The following PCMT1 variants were observed in gnomAD, a reference collection of about 807,000 sequenced individuals.
PCMT1 encodes protein-L-isoaspartate(D-aspartate) O-methyltransferase.
PCMT1 carries 9 observed loss-of-function variants against 29.2 expected under a neutral mutation model. The observed-to-expected ratio is 0.31, with a 90% CI of 0.19 to 0.54. The LOEUF is 0.54. PCMT1 is among the 20% of genes least tolerant of loss of function. PCMT1 has a pLI of 0.95. For synonymous variants in PCMT1, 98 were observed against 97.5 expected, an observed-to-expected ratio of 1.00 and a Z score of -0.03; for missense variants, 184 against 282.2, an observed-to-expected ratio of 0.65 and a Z score of 2.49.
At chr6:149,796,855 C>A in intron 6 of PCMT1, 1 of 162,354 alleles carries the variant, frequency 6.2e-6, no homozygotes, top group South Asian at 1.7e-4. Context: ...CTCTTGTCAC[C>A]CAGGCTGGAG....
chr6:149,808,209 TAGA>T (rs1776065703), intron 7 of PCMT1, among the ~76,000 whole-genome samples: 2 of 152,028 alleles, frequency 1.3e-5, no homozygotes, highest in African/African-American at 4.8e-5. Flanking sequence ...TATATACTAG[TAGA>T]AATATATACA....
intron 1 of PCMT1, among the ~76,000 whole-genome samples, chr6:149,763,998 T>A (rs1786966707): frequency 6.6e-6 from 1 of 152,176 alleles, no homozygotes; most frequent in Non-Finnish European, 1.5e-5. Context: ...AGAACCACAA[T>A]AATGGAACTC....
At chr6:149,753,981 A>AC (rs1178627336) in intron 1 of PCMT1, among the ~76,000 whole-genome samples, 7 of 152,202 alleles carry the variant, frequency 4.6e-5, no homozygotes, top group African/African-American at 1.7e-4. Context: ...TGGTCCAGGG[A>AC]CCACATTTTG....
intron 7 of PCMT1, among the ~76,000 whole-genome samples, chr6:149,809,258 C>CAAAAAAAAAAAAAAAAA (rs1209712068): frequency 2.1e-5 from 1 of 47,094 alleles, no homozygotes; most frequent in Non-Finnish European, 3.8e-5. Flanking sequence ...GACTCTGTCT[C>CAAAAAAAAAAAAAAAAA]AAAAAAAAAA....
intron 6 of PCMT1, chr6:149,796,776 C>CT (rs1055859441): frequency 2.7e-5 from 8 of 294,526 alleles, no homozygotes; most frequent in Non-Finnish European, 4.3e-5. Flanking sequence ...AGTTTATGAC[C>CT]TGATAATCAG....
rs571506303 is a variant in PCMT1, at chr6:149,762,860, GAT to G, written c.56-8293_56-8292del. On this transcript the variant is annotated intron_variant, in intron 1 of 7. Transcript: ENST00000464889. ...ATATATATCTATGATATATATCTAT[GAT>G]ATATATATCTATGATATATATGTTA... Among the ~76,000 whole-genome samples, 8 of 46,304 alleles carry G rather than the reference GAT, an allele frequency of 1.7e-4. 1 individual carries two copies. Among genetic ancestry groups the G allele is most frequent in the African/African-American group, 4.8e-4 (2 of 4,204 alleles). 30.4% of individuals were successfully genotyped at this position (46,304 alleles called of 152,430 possible). A position where few individuals can be genotyped will look rare whatever the true frequency, so the allele number is the denominator to read the frequency against.
chr6:149,765,413 C>G (rs959665087), intron 1 of PCMT1, among the ~76,000 whole-genome samples: 30 of 149,756 alleles, frequency 2.0e-4, no homozygotes, highest in Admixed American at 1.7e-3. Flanking sequence ...ATTCTAATTA[C>G]CTTTTTGGGT....
chr6:149,800,782 G>A (rs1775803670), intron 6 of PCMT1, among the ~76,000 whole-genome samples: 1 of 152,094 alleles, frequency 6.6e-6, no homozygotes, highest in African/African-American at 2.4e-5. Context: ...TAATAGGATA[G>A]GGATTCCTTG....
At chr6:149,758,223 T>TTTTTTTTTTTTC (rs1215433831) in intron 1 of PCMT1, among the ~76,000 whole-genome samples, 1 of 139,166 alleles carries the variant, frequency 7.2e-6, no homozygotes, top group African/African-American at 2.7e-5. Context: ...TTTTTTTTTT[T>TTTTTTTTTTTTC]TTTCTGAGAC....
At chr6:149,791,100 A>G (rs1052036314) in intron 4 of PCMT1, among the ~76,000 whole-genome samples, 5 of 152,140 alleles carry the variant, frequency 3.3e-5, no homozygotes, top group Non-Finnish European at 7.4e-5. Flanking sequence ...TACAGGCCTC[A>G]GTTTCCCCAC....
At chr6:149,752,629 C>G (rs1205145361) in intron 1 of PCMT1, among the ~76,000 whole-genome samples, 2 of 152,178 alleles carry the variant, frequency 1.3e-5, no homozygotes, top group Non-Finnish European at 2.9e-5. Context: ...CACATAAGCT[C>G]AATATGTTGT....
intron 1 of PCMT1, among the ~76,000 whole-genome samples, chr6:149,763,078 G>A (rs181613183): frequency 7.0e-5 from 4 of 57,454 alleles, no homozygotes; most frequent in Non-Finnish European, 7.4e-5. Flanking sequence ...TCTATGATAT[G>A]TATATCTATG....
chr6:149,769,320 T>TTTTTTTTTTTTTG (rs1787217545), intron 1 of PCMT1, among the ~76,000 whole-genome samples: 2 of 85,128 alleles, frequency 2.3e-5, no homozygotes, highest in African/African-American at 3.4e-5. Context: ...TTTTTTTTTT[T>TTTTTTTTTTTTTG]TTTTTTTTTT....
chr6:149,768,444 ATTTTTTTTTTTTTT>A (rs548328646), intron 1 of PCMT1, among the ~76,000 whole-genome samples: 9 of 75,856 alleles, frequency 1.2e-4, no homozygotes, highest in African/African-American at 4.0e-4. Context: ...TTAGTCTTGA[ATTTTTTTTTTTTTT>A]TTTTTTTTTT....
chr6:149,750,160 G>A (rs1037617009), intron 1 of PCMT1: 2 of 718,346 alleles, frequency 2.8e-6, no homozygotes, highest in African/African-American at 3.6e-5. Flanking sequence ...TGGACTGGAA[G>A]GGGAGAGAAA....
rs766040566 is a variant in PCMT1, at chr6:149,802,385, T to C, written c.*6T>C. On this transcript the variant is annotated 3_prime_UTR_variant, in exon 7 of 8. Transcript: ENST00000464889. ...AGTGGTCCAGGTGGAAGTGATTTTA[T>C]CTTCTGCTCTTTCTTCTTCCACACA... 6.3e-7 allele frequency: 1 copy of C among 1,597,950 alleles called. No homozygotes were observed. The highest frequency in any genetic ancestry group is 1.7e-5 in the Admixed American group (1 of 58,456).
intron 1 of PCMT1, among the ~76,000 whole-genome samples, chr6:149,767,390 TCTTTC>T (rs1057486621): frequency 7.9e-5 from 12 of 152,080 alleles, no homozygotes; most frequent in African/African-American, 2.7e-4. Flanking sequence ...ACTTGCACTT[TCTTTC>T]CTTGAATTTC....
chr6:149,751,780 G>A (rs1786330332), intron 1 of PCMT1, among the ~76,000 whole-genome samples: 1 of 151,518 alleles, frequency 6.6e-6, no homozygotes. Flanking sequence ...GCGCCAGGCC[G>A]GTACTTGATA....
At chr6:149,808,655 GA>G (rs1776075819) in intron 7 of PCMT1, among the ~76,000 whole-genome samples, 1 of 151,842 alleles carries the variant, frequency 6.6e-6, no homozygotes, top group Non-Finnish European at 1.5e-5. Context: ...ATTGTTTTCT[GA>G]GATGGAGTCT....
Sources: allele counts gnomAD v4.1 joint callset (sites outside exome capture counted in the v4.1 genomes callset), GRCh38; gene constraint gnomAD v4.1.1; transcripts MANE v1.5; gene names NCBI Gene and HGNC (gene_info 2026-07-23, HGNC 2026-07-21).